BBS9: variants seen among roughly 807,000 people sequenced by gnomAD.
BBS9 encodes the protein Bardet-Biedl syndrome 9.
In BBS9, 89 loss-of-function variants were observed where a neutral mutation model predicts 117.7. The ratio of observed to expected loss-of-function variants is 0.76; its 90% CI spans 0.64 to 0.90. BBS9 has a LOEUF of 0.90. Among genes scored for constraint, BBS9 ranks in the 40% least tolerant of loss-of-function variants. BBS9 has a pLI of 0.00. For missense variants in BBS9, 982 were observed against 1,042.2 expected (o/e 0.94, Z 0.80); for synonymous variants, 379 against 370.9 (o/e 1.02, Z -0.25).
At position 33,345,399 on chromosome 7, in the gene BBS9, A is replaced by T. The variant is rs899765571; in HGVS notation, c.1329+765A>T. 2.6e-5 allele frequency among the ~76,000 whole-genome samples: 4 copies of T among 152,282 alleles called. No individual in the cohort carries two copies. In the South Asian group the frequency reaches 8.3e-4, roughly 32 times the overall value. ...GGATTTTGGCAATTCACTTAGTCAA[A>T]ACTTGGATGGGGCTTTATATTTTCT... On this transcript the variant is annotated intron_variant, in intron 12 of 22. Coordinates refer to ENST00000242067, the MANE Select transcript of BBS9 (RefSeq NM_198428.3).
In BBS9 at chr7:33,550,116, C is replaced by T. The variant is rs144547253; in HGVS notation, c.2521+15940C>T. Among the ~76,000 whole-genome samples, 1,424 of 152,128 alleles carry T rather than the reference C, an allele frequency of 9.4e-3. 21 individuals carry two copies. The highest frequency in any genetic ancestry group is 0.032 in the African/African-American group (1,335 of 41,502). On this transcript the variant is annotated intron_variant, in intron 21 of 22. Transcript: ENST00000242067. ...CTCAGTGTATCTATCTTTTATAGTA[C>T]GGTTTTCTGAGTCACCTAAAACTTA...
At chr7:33,331,859 T>C (rs1278407673) in intron 9 of BBS9, among the ~76,000 whole-genome samples, 1 of 152,114 alleles carries the variant, frequency 6.6e-6, no homozygotes, top group African/African-American at 2.4e-5. Flanking sequence ...ATCAATATTG[T>C]GAAAATGACC....
At chr7:33,336,870 A>G (rs1318458967) in intron 10 of BBS9, among the ~76,000 whole-genome samples, 3 of 152,114 alleles carry the variant, frequency 2.0e-5, no homozygotes, top group Non-Finnish European at 2.9e-5. Context: ...AGCACTATCT[A>G]GTTTTTTTCT....
At chr7:33,165,008 T>G in intron 4 of BBS9, among the ~76,000 whole-genome samples, 1 of 152,210 alleles carries the variant, frequency 6.6e-6, no homozygotes. Flanking sequence ...TGAGGAGCTC[T>G]TGTAAGGCAG....
intron 5 of BBS9, among the ~76,000 whole-genome samples, chr7:33,194,748 C>T (rs575351611): frequency 1.3e-5 from 2 of 152,252 alleles, no homozygotes; most frequent in South Asian, 4.1e-4. Flanking sequence ...CACTTTATTT[C>T]TTCTAAGCTT....
rs1423573772 is a variant in BBS9, at chr7:33,370,296, T to A, written c.1789+2434T>A. 2.8e-5 allele frequency among the ~76,000 whole-genome samples: 4 copies of A among 142,330 alleles called. No individual in the cohort carries two copies. In the East Asian group the frequency reaches 8.1e-4, roughly 29 times the overall value. 93.4% of individuals were successfully genotyped at this position (142,330 alleles called of 152,430 possible). A position where few individuals can be genotyped will look rare whatever the true frequency, so the allele number is the denominator to read the frequency against. ...AACATAGTGAGACCTAGTCCCTATT[T>A]AAAAAAAAAAAAAGAAAAGAAAAAT... is the stretch of plus-strand genomic sequence containing the variant. On this transcript the variant is annotated intron_variant, in intron 17 of 22. Transcript: ENST00000242067.
In BBS9 at chr7:33,441,745, A is replaced by G. The variant is rs78544182; in HGVS notation, c.2115+53601A>G. Among the ~76,000 whole-genome samples, 132 of 152,202 alleles carry G rather than the reference A, an allele frequency of 8.7e-4. No homozygotes were observed. The East Asian group carries it at 0.024, about 28-fold the overall frequency. Reference sequence around the variant, plus strand: ...TTTATCTCATTACCTTTTTGATTTGATTTCTTTCCTAAGAATCCATTATGA... The same window carrying G: ...TTTATCTCATTACCTTTTTGATTTGGTTTCTTTCCTAAGAATCCATTATGA... On this transcript the variant is annotated intron_variant, in intron 19 of 22. Coordinates refer to ENST00000242067, the MANE Select transcript of BBS9 (RefSeq NM_198428.3).
At chr7:33,278,002 G>A (rs572427533) in intron 9 of BBS9, among the ~76,000 whole-genome samples, 69 of 152,218 alleles carry the variant, frequency 4.5e-4, no homozygotes, top group South Asian at 3.5e-3. Context: ...TGAGTTTTGG[G>A]GAAGGGCTAT....
chr7:33,575,456 C>T (rs768098858), intron 21 of BBS9, among the ~76,000 whole-genome samples: 3 of 152,144 alleles, frequency 2.0e-5, no homozygotes, highest in Non-Finnish European at 4.4e-5. Context: ...CAGATGGATT[C>T]ACGGCCAATT....
At chr7:33,315,985 T>C (rs1252608893) in intron 9 of BBS9, among the ~76,000 whole-genome samples, 1 of 152,200 alleles carries the variant, frequency 6.6e-6, no homozygotes, top group Non-Finnish European at 1.5e-5. Flanking sequence ...TTTACATACA[T>C]TGAAAGATAC....
intron 21 of BBS9, among the ~76,000 whole-genome samples, chr7:33,623,855 T>A (rs1393278062): frequency 1.3e-5 from 2 of 152,140 alleles, no homozygotes; most frequent in African/African-American, 2.4e-5. Flanking sequence ...AGGCAAAGAT[T>A]AACAAAATTT....
intron 9 of BBS9, among the ~76,000 whole-genome samples, chr7:33,293,223 A>C (rs1804449612): frequency 6.6e-6 from 1 of 152,056 alleles, no homozygotes; most frequent in Non-Finnish European, 1.5e-5. Context: ...ACTTGAATAC[A>C]TGCATATTAT....
chr7:33,503,354 G>A (rs192200280), intron 19 of BBS9, among the ~76,000 whole-genome samples: 1 of 152,250 alleles, frequency 6.6e-6, no homozygotes, highest in East Asian at 1.9e-4. Flanking sequence ...CAACTAAGTC[G>A]CAGGGGAGAT....
At chr7:33,135,948 G>A (rs1790396531) in intron 1 of BBS9, among the ~76,000 whole-genome samples, 1 of 150,808 alleles carries the variant, frequency 6.6e-6, no homozygotes, top group African/African-American at 2.4e-5. Flanking sequence ...TTTTGAGATG[G>A]GGTCTTTCTC....
At chr7:33,569,764 AAAAATAAAAT>A in intron 21 of BBS9, among the ~76,000 whole-genome samples, 1 of 152,314 alleles carries the variant, frequency 6.6e-6, no homozygotes, top group East Asian at 1.9e-4. Context: ...TCCGTTTCAA[AAAAATAAAAT>A]AAAATAAAAT....
chr7:33,571,867 T>C (rs947859248), intron 21 of BBS9, among the ~76,000 whole-genome samples: 5 of 152,090 alleles, frequency 3.3e-5, no homozygotes, highest in Non-Finnish European at 5.9e-5. Context: ...AAGGATACCA[T>C]TGGCAATGAT....
rs973508346 is a variant in BBS9 at position 33,273,812 on chromosome 7, A to G, written c.887-15A>G. The G allele has an allele frequency of 6.2e-7, 1 of 1,604,312 alleles. No homozygotes were observed. Among genetic ancestry groups the G allele is most frequent in the Non-Finnish European group, 8.5e-7 (1 of 1,172,380 alleles). On this transcript the variant is annotated splice_polypyrimidine_tract_variant and intron_variant, in intron 8 of 22. Coordinates refer to ENST00000242067, the MANE Select transcript of BBS9 (RefSeq NM_198428.3). ...TGTTTTCTTAGTGTCTCTTTTCTGT[A>G]TTTTCAACTTACAGTTTCTGAAGGA... is the stretch of plus-strand genomic sequence containing the variant.
At chr7:33,307,462 A>T (rs543922222) in intron 9 of BBS9, among the ~76,000 whole-genome samples, 1 of 152,272 alleles carries the variant, frequency 6.6e-6, no homozygotes, top group African/African-American at 2.4e-5. Flanking sequence ...TGTCCAGTTT[A>T]GAAGTATAAT....
Position 33,520,155 on chromosome 7 carries a change from C to A in BBS9, c.2299-13799C>A, listed in dbSNP as rs533987763. Among the ~76,000 whole-genome samples, 196 of 152,054 alleles carry A rather than the reference C, an allele frequency of 1.3e-3. 1 individual carries two copies. The highest frequency in any genetic ancestry group is 4.6e-3 in the African/African-American group (191 of 41,494). On this transcript the variant is annotated intron_variant, in intron 20 of 22. Transcript: ENST00000242067. ...TCTTGAGTAGCTGGGATTACAGGCA[C>A]CTGACACTGCACCCAACTAATTTTT...
Sources: gnomAD v4.1 joint callset for allele counts (sites outside exome capture counted in the v4.1 genomes callset) on GRCh38, gnomAD v4.1.1 for gene constraint, MANE v1.5 for transcripts, NCBI Gene and HGNC (gene_info 2026-07-23, HGNC 2026-07-21) for gene names.